The following LOC400499 variants were observed in gnomAD, a reference collection of about 807,000 sequenced individuals.
chr16:11,401,185 G>A, the LOC400499 span: 3 of 398,602 alleles, frequency 7.5e-6, no homozygotes, highest in African/African-American at 6.2e-5. Flanking sequence ...TCTCCTACCA[G>A]AGGTGCCCAG....
the LOC400499 span, among the ~76,000 whole-genome samples, chr16:11,419,429 C>T: frequency 2.0e-5 from 3 of 151,852 alleles, no homozygotes; most frequent in African/African-American, 7.3e-5. Flanking sequence ...CCCTTCCTTA[C>T]ACCTTATACA....
the LOC400499 span, among the ~76,000 whole-genome samples, chr16:11,430,177 G>T: frequency 6.6e-6 from 1 of 152,080 alleles, no homozygotes; most frequent in East Asian, 1.9e-4. Flanking sequence ...CAACATGACT[G>T]CCCGGTACCC....
the LOC400499 span, among the ~76,000 whole-genome samples, chr16:11,438,073 G>C: frequency 6.6e-6 from 1 of 152,082 alleles, no homozygotes; most frequent in Non-Finnish European, 1.5e-5. Flanking sequence ...AAATCTCAGA[G>C]CCTCACCCAC....
the LOC400499 span, among the ~76,000 whole-genome samples, chr16:11,507,722 A>G: frequency 2.0e-5 from 3 of 152,178 alleles, no homozygotes; most frequent in African/African-American, 7.2e-5. Context: ...GTTTGTGTCC[A>G]GAAGTTCAAG....
the LOC400499 span, among the ~76,000 whole-genome samples, chr16:11,390,813 G>A: frequency 2.0e-5 from 3 of 152,138 alleles, no homozygotes; most frequent in East Asian, 1.9e-4. Flanking sequence ...AGTGTGGTCC[G>A]TGCCAAGCAG....
the LOC400499 span, among the ~76,000 whole-genome samples, chr16:11,391,487 G>A: frequency 6.6e-6 from 1 of 152,212 alleles, no homozygotes; most frequent in African/African-American, 2.4e-5. Flanking sequence ...AACAAAGGCT[G>A]TAGATCTATA....
the LOC400499 span, among the ~76,000 whole-genome samples, chr16:11,374,530 C>G: frequency 1.1e-4 from 16 of 152,192 alleles, no homozygotes; most frequent in Admixed American, 7.2e-4. Context: ...TACTTTCTGT[C>G]TCTATGAAAC....
the LOC400499 span, among the ~76,000 whole-genome samples, chr16:11,525,872 C>G: frequency 1.3e-5 from 2 of 152,236 alleles, no homozygotes; most frequent in Middle Eastern, 6.8e-3. Context: ...AACAGATTAA[C>G]CAAGGATGGG....
At chr16:11,444,931 T>C in the LOC400499 span, among the ~76,000 whole-genome samples, 1 of 151,224 alleles carries the variant, frequency 6.6e-6, no homozygotes. Context: ...AAAATAAAAA[T>C]AAAAAATAAC....
At chr16:11,399,554 A>AAGGCCCCGCAGGCCTGGAGGCTGTTC in the LOC400499 span, 2 of 398,740 alleles carry the variant, frequency 5.0e-6, no homozygotes, top group Non-Finnish European at 8.8e-6. Context: ...GGTCTGCGTG[A>AAGGCCCCGCAGGCCTGGAGGCTGTTC]AGGCCCCGCA....
At chr16:11,484,658 A>G in the LOC400499 span, among the ~76,000 whole-genome samples, 1 of 152,132 alleles carries the variant, frequency 6.6e-6, no homozygotes, top group African/African-American at 2.4e-5. Context: ...TACACTTACA[A>G]CTTAGGGACT....
the LOC400499 span, chr16:11,424,293 T>C: frequency 3.3e-5 from 13 of 399,252 alleles, no homozygotes; most frequent in Non-Finnish European, 4.4e-5. Flanking sequence ...TGCTGAGCAG[T>C]TGGAAGCCAC....
chr16:11,373,569 C>A, the LOC400499 span, among the ~76,000 whole-genome samples: 1 of 152,018 alleles, frequency 6.6e-6, no homozygotes, highest in Non-Finnish European at 1.5e-5. Context: ...AAGTGATCCA[C>A]CTGCCTTGGC....
chr16:11,385,264 C>T, the LOC400499 span: 1 of 1,232,322 alleles, frequency 8.1e-7, no homozygotes, highest in Admixed American at 4.2e-5. Context: ...ACGAACAGGG[C>T]TGTGAGCCCC....
chr16:11,515,870 A>G, the LOC400499 span: 76 of 14,408 alleles, frequency 5.3e-3, 1 homozygote, highest in African/African-American at 0.025. Context: ...AGCCCAGCCC[A>G]GCCCAGCCCA....
the LOC400499 span, among the ~76,000 whole-genome samples, chr16:11,519,366 G>C: frequency 6.6e-6 from 1 of 152,160 alleles, no homozygotes; most frequent in South Asian, 2.1e-4. Context: ...TGAGTGGAGG[G>C]TGGGGAGGGG....
chr16:11,451,041 G>A, the LOC400499 span, among the ~76,000 whole-genome samples: 5 of 152,172 alleles, frequency 3.3e-5, no homozygotes, highest in African/African-American at 9.7e-5. Context: ...TCATCCAATC[G>A]CACCATGGAG....
At chr16:11,489,809 T>C in the LOC400499 span, among the ~76,000 whole-genome samples, 1 of 152,210 alleles carries the variant, frequency 6.6e-6, no homozygotes, top group African/African-American at 2.4e-5. Flanking sequence ...AGAATGTAAT[T>C]CAGCAACGTC....
chr16:11,397,416 GGCAC>G, the LOC400499 span, among the ~76,000 whole-genome samples: 1 of 152,128 alleles, frequency 6.6e-6, no homozygotes, highest in African/African-American at 2.4e-5. Context: ...TAGGACTACA[GGCAC>G]GTGCCACCGT....
Sources: gnomAD v4.1 joint callset for allele counts (sites outside exome capture counted in the v4.1 genomes callset) on GRCh38, gnomAD v4.1.1 for gene constraint, MANE v1.5 for transcripts.